The following PTPRC variants were observed in gnomAD, a reference collection of about 807,000 sequenced individuals.
PTPRC encodes the protein receptor-type tyrosine-protein phosphatase C.
In PTPRC, 44 loss-of-function variants were observed where a neutral mutation model predicts 155.9. That is an observed-to-expected ratio of 0.28 (90% CI 0.22 to 0.36). The LOEUF is 0.36. PTPRC is among the 10% of genes least tolerant of loss of function. PTPRC has a pLI of 1.00. For missense variants in PTPRC, 1,401 were observed against 1,564.6 expected, an observed-to-expected ratio of 0.90 and a Z score of 1.76; for synonymous variants, 525 against 533.1, an observed-to-expected ratio of 0.98 and a Z score of 0.21.
In PTPRC at chr1:198,714,227, T is replaced by G. The variant is rs562680979; in HGVS notation, c.1291+1155T>G. On this transcript the variant is annotated intron_variant, in intron 12 of 32. Transcript: ENST00000442510. ...TCTCTTCTCTGAATCTTCTATTCAC[T>G]ATCCCTTTCTGCATTCCTCAATGTC... Among the ~76,000 whole-genome samples, 4 of 152,312 alleles carry G rather than the reference T, an allele frequency of 2.6e-5. No individual in the cohort carries two copies. In the East Asian group the frequency reaches 7.7e-4, roughly 29 times the overall value.
At chr1:198,744,306 G>T in intron 26 of PTPRC, 103 bp downstream of exon 26, 1 of 1,187,540 alleles carries the variant, frequency 8.4e-7, no homozygotes, top group Non-Finnish European at 1.2e-6. Flanking sequence ...CTTGCATTTA[G>T]TCTTCACCAG....
At chr1:198,713,813 T>A (rs1023611213) in intron 12 of PTPRC, among the ~76,000 whole-genome samples, 1 of 152,190 alleles carries the variant, frequency 6.6e-6, no homozygotes, top group Admixed American at 6.5e-5. Context: ...AGGAATGAAG[T>A]GAACCTCATA....
intron 2 of PTPRC, among the ~76,000 whole-genome samples, chr1:198,645,395 A>G (rs1046905731): frequency 1.3e-5 from 2 of 151,814 alleles, no homozygotes; most frequent in Non-Finnish European, 2.9e-5. Context: ...CATATTAAGC[A>G]TAATAGAAAA....
intron 11 of PTPRC, among the ~76,000 whole-genome samples, chr1:198,711,135 G>A (rs111981152): frequency 6.6e-6 from 1 of 152,084 alleles, no homozygotes; most frequent in African/African-American, 2.4e-5. Flanking sequence ...GTGATTCTAA[G>A]TTTTATGTAA....
intron 2 of PTPRC, among the ~76,000 whole-genome samples, chr1:198,662,738 A>G (rs1270541955): frequency 6.6e-6 from 1 of 152,108 alleles, no homozygotes; most frequent in African/African-American, 2.4e-5. Flanking sequence ...CTTTCCTAAA[A>G]TAGTTTTACA....
intron 7 of PTPRC, 22 bp from the exon 8 acceptor site, chr1:198,704,450 A>C: frequency 3.1e-6 from 5 of 1,613,852 alleles, no homozygotes; most frequent in Non-Finnish European, 3.4e-6. Flanking sequence ...TTAATAATTT[A>C]CATTTTTTTT....
At chr1:198,702,278 G>A in intron 5 of PTPRC, 109 bp from the exon 6 acceptor site, 1 of 1,410,866 alleles carries the variant, frequency 7.1e-7, no homozygotes. Context: ...AGTGCTTGAA[G>A]ATTTGTTTCT....
Position 198,735,169 on chromosome 1 carries a change from C to A in PTPRC, c.2320C>A (p.Arg774=). 1.2e-6 allele frequency: 2 copies of A among 1,603,636 alleles called. No homozygotes were observed. Among genetic ancestry groups the A allele is most frequent in the African/African-American group, 1.3e-5 (1 of 74,698 alleles). ...CTGGCCGTCAATGGAAGAGGGCACT[C>A]GGGCTTTTGGAGATGTTGTTGTAAA... is the stretch of plus-strand genomic sequence containing the variant. ...EYWPSMEEGT[R]AFGDVVVKIN... is the part of the protein sequence containing the mutation. Residue 774 remains arginine (R), a synonymous_variant, in exon 23 of 33, where the codon CGG becomes AGG. Coordinates refer to ENST00000442510, the MANE Select transcript of PTPRC (RefSeq NM_002838.5).
In PTPRC at chr1:198,756,214, C is replaced by T. The variant is rs1239696999; in HGVS notation, c.*33C>T. 2.5e-6 allele frequency: 4 copies of T among 1,610,526 alleles called. No individual in the cohort carries two copies. The highest frequency in any genetic ancestry group is 3.4e-6 in the Non-Finnish European group (4 of 1,177,908). On this transcript the variant is annotated 3_prime_UTR_variant, in exon 33 of 33. Coordinates refer to ENST00000442510, the MANE Select transcript of PTPRC (RefSeq NM_002838.5). ...CATAAATGAGGAAACTCCAAACCTC[C>T]TGTTAGCTGTTATTTCTATTTTTGT...
Position 198,716,830 on chromosome 1 carries a change from T to C in PTPRC, c.1440T>C (p.Thr480=). ...GTGCTGCAATGTGTCATTTCACAAC[T>C]AAAAGTGCTCGTAAGTTATATGTTT... ...NGSAAMCHFT[T]KSAPPSQVWN... is the part of the protein sequence containing the mutation. Residue 480 remains threonine (T), a synonymous_variant, in exon 13 of 33, where the codon ACT becomes ACC. Coordinates refer to ENST00000442510, the MANE Select transcript of PTPRC (RefSeq NM_002838.5). 1 of 1,613,612 alleles carries C rather than the reference T, an allele frequency of 6.2e-7. No homozygotes were observed.
intron 4 of PTPRC, 100 bp downstream of exon 4, chr1:198,697,009 C>T: frequency 8.9e-7 from 1 of 1,120,286 alleles, no homozygotes; most frequent in Admixed American, 1.7e-5. Flanking sequence ...TGCACAGTTT[C>T]TAAGTATGTG....
intron 2 of PTPRC, among the ~76,000 whole-genome samples, chr1:198,678,057 C>T (rs540231265): frequency 6.6e-6 from 1 of 152,156 alleles, no homozygotes; most frequent in East Asian, 1.9e-4. Flanking sequence ...GCAATACCAT[C>T]TTATGAAATG....
intron 2 of PTPRC, among the ~76,000 whole-genome samples, chr1:198,683,501 A>G (rs1665453430): frequency 6.6e-6 from 1 of 152,148 alleles, no homozygotes; most frequent in Non-Finnish European, 1.5e-5. Context: ...CATAAGAAGC[A>G]AAAAGATAAT....
At chr1:198,755,804 T>C in intron 32 of PTPRC, 102 bp from the exon 33 acceptor site, 1 of 1,271,304 alleles carries the variant, frequency 7.9e-7, no homozygotes, top group Non-Finnish European at 1.1e-6. Flanking sequence ...TGTCATCCAA[T>C]ACTTCCACAA....
At chr1:198,741,174 G>T (rs1187784867) in intron 23 of PTPRC, among the ~76,000 whole-genome samples, 1 of 151,812 alleles carries the variant, frequency 6.6e-6, no homozygotes, top group Non-Finnish European at 1.5e-5. Context: ...AACTCAGTTT[G>T]TGTGTTTCTT....
rs573228459 is a variant in PTPRC, at chr1:198,641,490, A to C, written c.73+2149A>C. 3.3e-5 allele frequency among the ~76,000 whole-genome samples: 5 copies of C among 152,038 alleles called. No individual in the cohort carries two copies. In the East Asian group the frequency reaches 9.6e-4, roughly 29 times the overall value. ...CAATGGTAACTCTATGCATAATTCA[A>C]ATATTTTATTTAATATCTAAAATGC... On this transcript the variant is annotated intron_variant, in intron 2 of 32. Coordinates refer to ENST00000442510, the MANE Select transcript of PTPRC (RefSeq NM_002838.5).
At chr1:198,665,091 T>A (rs1390166104) in intron 2 of PTPRC, among the ~76,000 whole-genome samples, 1 of 127,700 alleles carries the variant, frequency 7.8e-6, no homozygotes, top group Non-Finnish European at 1.7e-5. Context: ...TTTTTTTTTT[T>A]TTTTTTTTTT....
At chr1:198,752,520 G>T (rs1655430363) in intron 30 of PTPRC, 74 bp from the exon 31 acceptor site, 2 of 1,537,832 alleles carry the variant, frequency 1.3e-6, no homozygotes, top group African/African-American at 1.4e-5. Flanking sequence ...TAACTGTGAA[G>T]AAAATATGAC....
chr1:198,656,839 A>C (rs533429196), intron 2 of PTPRC, among the ~76,000 whole-genome samples: 19 of 151,728 alleles, frequency 1.3e-4, no homozygotes, highest in African/African-American at 4.3e-4. Flanking sequence ...TGGAGATAAA[A>C]CTGTGGCAGC....
Sources: gnomAD v4.1 joint callset for allele counts (sites outside exome capture counted in the v4.1 genomes callset) on GRCh38, gnomAD v4.1.1 for gene constraint, MANE v1.5 for transcripts, NCBI Gene and HGNC (gene_info 2026-07-23, HGNC 2026-07-21) for gene names.